The following SORBS3 variants were observed in gnomAD, a reference collection of about 807,000 sequenced individuals.
SORBS3 encodes the protein sorbin and SH3 domain containing 3.
A neutral mutation model predicts 98.0 loss-of-function variants in SORBS3; 69 were observed. The observed-to-expected ratio is 0.70, with a 90% CI of 0.58 to 0.86. The LOEUF is 0.86. Ranked by LOEUF, SORBS3 falls within the 40% of genes least tolerant of loss-of-function variation. SORBS3 has a pLI of 0.00. For synonymous variants in SORBS3, 394 were observed against 355.4 expected, an observed-to-expected ratio of 1.11 and a Z score of -1.22; for missense variants, 954 against 908.5, an observed-to-expected ratio of 1.05 and a Z score of -0.64.
chr8:22,565,168 C>T (rs1840378956), intron 10 of SORBS3, 100 bp from the exon 11 acceptor site: 2 of 1,486,944 alleles, frequency 1.3e-6, no homozygotes, highest in East Asian at 5.1e-5. Context: ...CTTACGCCGG[C>T]CCGGTGCGCT....
chr8:22,569,810 C>T (rs1041737375), intron 17 of SORBS3, among the ~76,000 whole-genome samples: 2 of 152,120 alleles, frequency 1.3e-5, no homozygotes, highest in South Asian at 2.1e-4. Flanking sequence ...TGGGCTCAAG[C>T]GATCCCCTGT....
chr8:22,560,447 T>C (rs1204726976), intron 5 of SORBS3, among the ~76,000 whole-genome samples: 1 of 151,934 alleles, frequency 6.6e-6, no homozygotes, highest in Non-Finnish European at 1.5e-5. Flanking sequence ...AAAAGGCAAC[T>C]GAGAAGGTAG....
chr8:22,554,597 CG>C lies in SORBS3; in HGVS notation c.96del (p.Thr33HisfsTer5). On this transcript the variant is annotated frameshift_variant, in exon 2 of 21. Transcript: ENST00000240123. LOFTEE classifies it high-confidence loss of function. The surrounding 1 kb of genome is among the most constrained non-coding windows in gnomAD (Gnocchi z 6.5). ...HLQSHIGSSS[R>X]GTRVPVIRNG... ...CCAGTCCCACATAGGGTCTTCCTCC[CG>C]GGGGACACGGGTGAGTGAGTCAGTA... 1.9e-6 allele frequency: 3 copies of C among 1,612,082 alleles called. No homozygotes were observed. The highest frequency in any genetic ancestry group is 8.5e-7 in the Non-Finnish European group (1 of 1,179,818).
Position 22,554,647 on chromosome 8 carries a change from C to A in SORBS3, c.102+39C>A. 6.3e-7 allele frequency: 1 copy of A among 1,578,160 alleles called. No individual in the cohort carries two copies. ...TAGGGAGGAGGGTGTCCTGCGGGCC[C>A]GGAGTTGGTTGGGACGCTAGCAGGT... On this transcript the variant is annotated intron_variant, in intron 2 of 20. Transcript: ENST00000240123. The surrounding 1 kb of genome is among the most constrained non-coding windows in gnomAD (Gnocchi z 6.5).
chr8:22,568,618 T>G (rs1189122910), intron 16 of SORBS3, among the ~76,000 whole-genome samples: 4 of 152,206 alleles, frequency 2.6e-5, no homozygotes, highest in Non-Finnish European at 1.5e-5. Context: ...GTTTCTATCT[T>G]TGTGTGAAAT....
Position 22,554,025 on chromosome 8 carries a change from G to A in SORBS3, c.-55-427G>A, listed in dbSNP as rs1200480613. ...GGCAAGAGATGCCCACACGGCCTGG[G>A]GGAGGCAGAGGGAACTGAAACAAAG... On this transcript the variant is annotated intron_variant, in intron 1 of 20. Coordinates refer to ENST00000240123, the MANE Select transcript of SORBS3 (RefSeq NM_005775.5). The surrounding 1 kb of genome is among the most constrained non-coding windows in gnomAD (Gnocchi z 6.5). 6.6e-6 allele frequency among the ~76,000 whole-genome samples: 1 copy of A among 152,214 alleles called. No homozygotes were observed. The highest frequency in any genetic ancestry group is 6.5e-5 in the Admixed American group (1 of 15,290).
In SORBS3 at chr8:22,565,848, C is replaced by T; in HGVS notation, c.926C>T (p.Ala309Val). 2 of 1,289,146 alleles carry T rather than the reference C, an allele frequency of 1.6e-6. No homozygotes were observed. Among genetic ancestry groups the T allele is most frequent in the Non-Finnish European group, 9.8e-7 (1 of 1,016,660 alleles). The allele number at this position is 1,289,146 out of a possible 1,614,324, so 79.9% of individuals were successfully genotyped here. ...SPKSSPAPRR[A>V]PEQRPPAGPA... ...CAGAGCTCGCCGGCGCCCCGACGGG[C>T]CCCGGAGCAGCGGCCCCCGGCCGGG... Residue 309 changes from alanine (A) to valine (V), a missense_variant, in exon 12 of 21, where the codon GCC becomes GTC. Ala to Val is a moderately conservative substitution (Grantham distance 64, BLOSUM62 0). Coordinates refer to ENST00000240123, the MANE Select transcript of SORBS3 (RefSeq NM_005775.5).
At chr8:22,550,199 G>A (rs1313128731), upstream of SORBS3, 5 of 167,420 alleles carry the variant, frequency 3.0e-5, no homozygotes, top group Non-Finnish European at 6.1e-5. Context: ...AAGTGTCCCA[G>A]GGTTCCCCCA....
At position 22,571,721 on chromosome 8, in the gene SORBS3, CT is replaced by C; in HGVS notation, c.1749del (p.Gly584AlafsTer146). On this transcript the variant is annotated frameshift_variant, in exon 19 of 21. Coordinates refer to ENST00000240123, the MANE Select transcript of SORBS3 (RefSeq NM_005775.5). LOFTEE classifies it high-confidence loss of function. ...TQEPRPQTQN[L>X]GTPGPALSHS... ...CTTTCTTCCTGTCAACTCCCAGAAT[CT>C]TGGCACCCCTGGTCCAGCTCTGTCC... 6.2e-7 allele frequency: 1 copy of C among 1,613,214 alleles called. No individual in the cohort carries two copies. The highest frequency in any genetic ancestry group is 8.5e-7 in the Non-Finnish European group (1 of 1,179,234).
chr8:22,574,159 G>GCCCGCTGGGGTTC (rs1469608100), intron 20 of SORBS3, among the ~76,000 whole-genome samples: 2 of 150,864 alleles, frequency 1.3e-5, no homozygotes, highest in Non-Finnish European at 2.9e-5. Context: ...CAGATGCTTT[G>GCCCGCTGGGGTTC]CCCGCTGGGG....
At chr8:22,564,416 A>G in intron 9 of SORBS3, 47 bp downstream of exon 9, 3 of 1,613,760 alleles carry the variant, frequency 1.9e-6, no homozygotes, top group Non-Finnish European at 2.5e-6. Context: ...CTCAGCTGAT[A>G]CATTTTGGAA....
chr8:22,570,809 TGTGTCCAAG>T lies in SORBS3; in HGVS notation c.1432-96_1432-88del, dbSNP rs1433898814. On this transcript the variant is annotated intron_variant, in intron 17 of 20. Coordinates refer to ENST00000240123, the MANE Select transcript of SORBS3 (RefSeq NM_005775.5). ...GGCCCCCTGCGATTCCGACCCCTCG[TGTGTCCAAG>T]GTGTTAGGGTTGAATGAGACAGCCC... 4 of 1,049,236 alleles carry T rather than the reference TGTGTCCAAG, an allele frequency of 3.8e-6. No homozygotes were observed. In the Admixed American group the frequency reaches 1.0e-4, roughly 27 times the overall value. 65.0% of individuals were successfully genotyped at this position (1,049,236 alleles called of 1,614,324 possible). A position where few individuals can be genotyped will look rare whatever the true frequency, so the allele number is the denominator to read the frequency against.
Position 22,571,210 on chromosome 8 carries a change from C to T in SORBS3, c.1732C>T (p.Pro578Ser). 6.5e-7 allele frequency: 1 copy of T among 1,541,656 alleles called. No homozygotes were observed. Among genetic ancestry groups the T allele is most frequent in the Non-Finnish European group, 8.7e-7 (1 of 1,146,464 alleles). Residue 578 changes from proline to serine, a missense_variant, in exon 18 of 21, where the codon CCC (proline) becomes TCC (serine). Pro to Ser is a moderately conservative substitution (Grantham distance 74). Coordinates refer to ENST00000240123, the MANE Select transcript of SORBS3 (RefSeq NM_005775.5). ...GFSFPTQEPR[P>S]QTQNLGTPGP... is the part of the protein sequence containing the mutation. ...CTCCTTCCCCACCCAGGAGCCTAGA[C>T]CCCAGACCCAGGTGAGGTAGCCTGC... is the stretch of plus-strand genomic sequence containing the variant.
intron 9 of SORBS3, 49 bp downstream of exon 9, chr8:22,564,418 A>G: frequency 6.2e-7 from 1 of 1,613,868 alleles, no homozygotes; most frequent in Non-Finnish European, 8.5e-7. Flanking sequence ...CAGCTGATAC[A>G]TTTTGGAAAG....
chr8:22,567,205 C>A, intron 16 of SORBS3, 30 bp downstream of exon 16: 3 of 1,193,700 alleles, frequency 2.5e-6, no homozygotes, highest in Non-Finnish European at 3.7e-6. Context: ...GCAAGTGGGG[C>A]TGGGCTGGGA....
At position 22,565,361 on chromosome 8, in the gene SORBS3, G is replaced by T. The variant is rs1563829103; in HGVS notation, c.903+7G>T. 2 of 1,545,618 alleles carry T rather than the reference G, an allele frequency of 1.3e-6. No individual in the cohort carries two copies. Among genetic ancestry groups the T allele is most frequent in the South Asian group, 2.4e-5 (2 of 83,812 alleles). ...CCGACTGCCGTCCCCCAAGGTACCA[G>T]CCCCCAGGGTTCACCCGCGGGGCAC... On this transcript the variant is annotated splice_region_variant and intron_variant, in intron 11 of 20. Transcript: ENST00000240123.
intron 5 of SORBS3, among the ~76,000 whole-genome samples, chr8:22,559,530 A>G (rs947257071): frequency 1.3e-5 from 2 of 151,836 alleles, no homozygotes; most frequent in African/African-American, 4.8e-5. Context: ...GTGAAACCCC[A>G]TCTCTACTAA....
At chr8:22,564,667 AGGACAGT>A (rs1840367627) in intron 10 of SORBS3, 146 bp downstream of exon 10, 1 of 1,367,446 alleles carries the variant, frequency 7.3e-7, no homozygotes, top group African/African-American at 1.5e-5. Context: ...GCCAGCACTC[AGGACAGT>A]GGCTGGCATA....
chr8:22,554,170 C>T lies in SORBS3; in HGVS notation c.-55-282C>T. 4.3e-6 allele frequency: 1 copy of T among 234,894 alleles called. No individual in the cohort carries two copies. Among genetic ancestry groups the T allele is most frequent in the Admixed American group, 5.2e-5 (1 of 19,354 alleles). 14.6% of individuals were successfully genotyped at this position (234,894 alleles called of 1,614,324 possible). On this transcript the variant is annotated intron_variant, in intron 1 of 20. Coordinates refer to ENST00000240123, the MANE Select transcript of SORBS3 (RefSeq NM_005775.5). This position sits in a 1 kb window ranked among gnomAD's most constrained non-coding sequence, Gnocchi z 6.5. The stretch of plus-strand genomic sequence containing the variant: ...AGAGCCCCACGGGCTCCTGGCCAGC[C>T]CCTCCCCTCCTCCTCACCCAAGCTC...
Sources: allele counts gnomAD v4.1 joint callset (sites outside exome capture counted in the v4.1 genomes callset), GRCh38; gene constraint gnomAD v4.1.1; non-coding constraint Gnocchi (gnomAD v3.1); transcripts MANE v1.5; gene names NCBI Gene and HGNC (gene_info 2026-07-23, HGNC 2026-07-21).